Variants in DNPH1 observed in about 807,000 individuals in gnomAD.
The protein encoded by DNPH1 is 2'-deoxynucleoside 5'-phosphate N-hydrolase 1.
In DNPH1, 18 loss-of-function variants were observed where a neutral mutation model predicts 15.7. The ratio of observed to expected loss-of-function variants is 1.15; its 90% confidence interval spans 0.79 to 1.70. DNPH1 has a LOEUF of 1.70. Among genes scored for constraint, DNPH1 ranks in the 40% most tolerant of loss-of-function variants. The probability of loss-of-function intolerance (pLI) is 0.00; values close to 1 mark genes in which losing one functional copy is unlikely to be tolerated. For missense variants in DNPH1, 262 were observed against 255.2 expected, an observed-to-expected ratio of 1.03 and a Z score of -0.18; for synonymous variants, 114 against 107.9, an observed-to-expected ratio of 1.06 and a Z score of -0.35.
rs1241033243 is a variant in DNPH1, at chr6:43,229,379, G to C, written c.78C>G (p.Cys26Trp). 6.7e-7 allele frequency: 1 copy of C among 1,486,174 alleles called. No individual in the cohort carries two copies. Among genetic ancestry groups the C allele is most frequent in the African/African-American group, 1.4e-5 (1 of 68,986 alleles). 92.1% of individuals were successfully genotyped at this position (1,486,174 alleles called of 1,614,324 possible). Residue 26 changes from cysteine (C) to tryptophan (W), a missense_variant, in exon 1 of 4, where the codon TGC (cysteine) becomes TGG (tryptophan). Transcript: ENST00000230431. ...GEPGRPALYF[C>W]GSIRGGREDR... is the part of the protein sequence containing the mutation. ...CCTCGCGTCCGCCGCGAATGCTCCC[G>C]CAGAAGTACAGGGCCGGGCGGCCAG...
chr6:43,228,270 A>G (rs1776772266), intron 1 of DNPH1, among the ~76,000 whole-genome samples: 2 of 151,900 alleles, frequency 1.3e-5, no homozygotes, highest in Non-Finnish European at 2.9e-5. Context: ...CAGACTGGGC[A>G]ACATAGTGAG....
intron 3 of DNPH1, 59 bp from the exon 4 acceptor site, chr6:43,225,940 C>T: frequency 3.1e-6 from 5 of 1,613,808 alleles, no homozygotes; most frequent in Admixed American, 1.7e-5. Context: ...AGCTCCCTTA[C>T]CCCTTGGGAG....
rs747335793 is a variant in DNPH1, at chr6:43,226,331, C to T, written c.261G>A (p.Ala87=). Reference sequence around the variant, plus strand: ...GAAGGAGGGAGCGCCACTCACCGTCCGCCTGCTGCAGCCACTCCAGGTCCT... The same window carrying T: ...GAAGGAGGGAGCGCCACTCACCGTCTGCCTGCTGCAGCCACTCCAGGTCCT... ...HEQDLEWLQQ[A]DVVVAEVTQP... Residue 87 remains alanine, a synonymous_variant, in exon 2 of 4, where the codon GCG becomes GCA. Transcript: ENST00000230431. This position sits in a 1 kb window ranked among gnomAD's most constrained non-coding sequence, Gnocchi z 4.1. 2.3e-5 allele frequency: 37 copies of T among 1,612,292 alleles called. No homozygotes were observed. The highest frequency in any genetic ancestry group is 3.3e-5 in the Admixed American group (2 of 59,954).
At chr6:43,228,981 C>T (rs1776782293) in intron 1 of DNPH1, 1 of 305,724 alleles carries the variant, frequency 3.3e-6, no homozygotes, top group Non-Finnish European at 6.5e-6. Context: ...TACAAACGCT[C>T]TGAAAGCAGC....
In DNPH1 at chr6:43,225,863, C is replaced by T. The variant is rs373827498; in HGVS notation, c.395G>A (p.Arg132Gln). Residue 132 changes from arginine (R) to glutamine (Q), a missense_variant, in exon 4 of 4, where the codon CGG (arginine) becomes CAG (glutamine). By Grantham distance (43) the Arg-to-Gln change is conservative. Transcript: ENST00000230431. ...GAACCGAGAGCCATCTGCTGCTCCC[C>T]GGATCATGGCCGAAAGCACTGGAAA... The part of the protein sequence containing the change: ...QSGRVLSAMI[R>Q]GAADGSRFQV... The T allele has an allele frequency of 3.5e-5, 56 of 1,614,046 alleles. No individual in the cohort carries two copies. The highest frequency in any genetic ancestry group is 5.5e-5 in the South Asian group (5 of 91,080).
rs1376874187 is a variant in DNPH1, at chr6:43,225,738, T to C, written c.520A>G (p.Thr174Ala). ...GQVAASPDPT[T>A] is the part of the protein sequence containing the mutation. ...TTTAAGAAAGTGAGATTAAGTCAAG[T>C]GGTTGGGTCAGGGGAGGCAGCCACC... Residue 174 changes from threonine (T) to alanine (A), a missense_variant, in exon 4 of 4, where the codon ACT becomes GCT. By Grantham distance (58) the Thr-to-Ala change is moderately conservative. Coordinates refer to ENST00000230431, the MANE Select transcript of DNPH1 (RefSeq NM_006443.3). The C allele has an allele frequency of 2.5e-6, 4 of 1,613,958 alleles. No homozygotes were observed. The highest frequency in any genetic ancestry group is 3.4e-6 in the Non-Finnish European group (4 of 1,180,036).
rs559662105 is a variant in DNPH1 at position 43,226,081 on chromosome 6, C to T, written c.328G>A (p.Ala110Thr). ...GVGYELGRAV[A>T]FNKRILCLFR... The stretch of plus-strand genomic sequence containing the variant: ...AGGCACAGGATCCGCTTGTTAAAGG[C>T]CACGGCCCGGCCCAGCTCATAGCCT... Residue 110 changes from alanine (A) to threonine (T), a missense_variant, in exon 3 of 4, where the codon GCC becomes ACC. By Grantham distance (58) the Ala-to-Thr change is moderately conservative. Transcript: ENST00000230431. The surrounding 1 kb of genome is among the most constrained non-coding windows in gnomAD (Gnocchi z 4.1). The T allele has an allele frequency of 3.7e-6, 6 of 1,613,568 alleles. No homozygotes were observed. Among genetic ancestry groups the T allele is most frequent in the African/African-American group, 1.3e-5 (1 of 74,914 alleles).
chr6:43,229,394 C>T lies in DNPH1; in HGVS notation c.63G>A (p.Pro21=). Residue 21 remains proline, a synonymous_variant, in exon 1 of 4, where the codon CCG becomes CCA. Coordinates refer to ENST00000230431, the MANE Select transcript of DNPH1 (RefSeq NM_006443.3). ...GAATGCTCCCGCAGAAGTACAGGGC[C>T]GGGCGGCCAGGCTCCCCGCGCTCCC... is the stretch of plus-strand genomic sequence containing the variant. ...ESWERGEPGR[P]ALYFCGSIRG... 1 of 1,453,118 alleles carries T rather than the reference C, an allele frequency of 6.9e-7. No individual in the cohort carries two copies. The highest frequency in any genetic ancestry group is 9.1e-7 in the Non-Finnish European group (1 of 1,101,296). The allele number at this position is 1,453,118 out of a possible 1,614,324, so 90.0% of individuals were successfully genotyped here.
rs779194012 is a variant in DNPH1, at chr6:43,229,339, C to T, written c.118G>A (p.Glu40Lys). 109 of 1,493,684 alleles carry T rather than the reference C, an allele frequency of 7.3e-5. No homozygotes were observed. The African/African-American group carries it at 1.0e-3, about 14-fold the overall frequency. The allele number at this position is 1,493,684 out of a possible 1,614,324, so 92.5% of individuals were successfully genotyped here. ...CGCCGCAGCCGAGACACGATCCGCT[C>T]GTACAGCGTCCTGTCCTCGCGTCCG... is the stretch of plus-strand genomic sequence containing the variant. The part of the protein sequence containing the change: ...RGGREDRTLY[E>K]RIVSRLRRFG... Residue 40 changes from glutamate to lysine, a missense_variant, in exon 1 of 4, where the codon GAG becomes AAG. Physicochemically the swap from Glu to Lys is moderately conservative, Grantham distance 56. Coordinates refer to ENST00000230431, the MANE Select transcript of DNPH1 (RefSeq NM_006443.3).
At chr6:43,228,942 G>A (rs1776781386) in intron 1 of DNPH1, 2 of 207,542 alleles carry the variant, frequency 9.6e-6, no homozygotes, top group South Asian at 1.2e-4. Flanking sequence ...AAGCAAAGCA[G>A]CCCAATCTAC....
Position 43,227,919 on chromosome 6 carries a change from G to A in DNPH1, c.196+1342C>T, listed in dbSNP as rs117792068. 8.1e-3 allele frequency among the ~76,000 whole-genome samples: 1,228 copies of A among 151,974 alleles called. 56 individuals carry two copies. The highest frequency in any genetic ancestry group is 0.068 in the Admixed American group (1,039 of 15,250). Reference sequence around the variant, plus strand: ...AGCCTGGCCAACATGGCAAAATCCCGTCCCTATAAAAAATACAAAACTTAA... The same window carrying A: ...AGCCTGGCCAACATGGCAAAATCCCATCCCTATAAAAAATACAAAACTTAA... On this transcript the variant is annotated intron_variant, in intron 1 of 3. Transcript: ENST00000230431.
chr6:43,226,048 G>C lies in DNPH1; in HGVS notation c.361C>G (p.Pro121Ala). ...GGGTGCTCACCGCGGCCAGACTGCG[G>C]GCGGAACAGGCACAGGATCCGCTTG... ...FNKRILCLFR[P>A]QSGRVLSAMI... The change falls in exon 3 of 4, where the codon CCG becomes GCG. Residue 121 changes from proline to alanine, a missense_variant. Physicochemically the swap from Pro to Ala is conservative, Grantham distance 27 (BLOSUM62 -1). Transcript: ENST00000230431. The surrounding 1 kb of genome is among the most constrained non-coding windows in gnomAD (Gnocchi z 4.1). 1.2e-6 allele frequency: 2 copies of C among 1,613,830 alleles called. No homozygotes were observed. Among genetic ancestry groups the C allele is most frequent in the South Asian group, 2.2e-5 (2 of 91,086 alleles).
Position 43,229,431 on chromosome 6 carries a change from C to A in DNPH1, c.26G>T (p.Arg9Leu), listed in dbSNP as rs905550108. The change falls in exon 1 of 4, where the codon CGC becomes CTC. Residue 9 changes from arginine to leucine, a missense_variant. Coordinates refer to ENST00000230431, the MANE Select transcript of DNPH1 (RefSeq NM_006443.3). ...CTCCCCGCGCTCCCAGCTCTCGCTG[C>A]GCCCCGGCACCATGGCAGCAGCCAT... MAAAMVPG[R>L]SESWERGEPG... is the part of the protein sequence containing the mutation. 3 of 1,384,830 alleles carry A rather than the reference C, an allele frequency of 2.2e-6. No homozygotes were observed. The highest frequency in any genetic ancestry group is 2.5e-4 in the Middle Eastern group (1 of 4,032). The allele number at this position is 1,384,830 out of a possible 1,614,324, so 85.8% of individuals were successfully genotyped here. A position where few individuals can be genotyped will look rare whatever the true frequency, so the allele number is the denominator to read the frequency against.
At position 43,226,360 on chromosome 6, in the gene DNPH1, C is replaced by T. The variant is rs1802183; in HGVS notation, c.232G>A (p.Glu78Lys). ...TGCTGCAGCCACTCCAGGTCCTGCT[C>T]ATGGATGAGCCTGTCACCCCCAGCA... is the stretch of plus-strand genomic sequence containing the variant. Reference protein sequence around the residue: ...EAAGGDRLIHEQDLEWLQQAD... With the variant: ...EAAGGDRLIHKQDLEWLQQAD... The change falls in exon 2 of 4, where the codon GAG becomes AAG. Residue 78 changes from glutamate to lysine, a missense_variant. By Grantham distance (56) the Glu-to-Lys change is moderately conservative. Coordinates refer to ENST00000230431, the MANE Select transcript of DNPH1 (RefSeq NM_006443.3). The surrounding 1 kb of genome is among the most constrained non-coding windows in gnomAD (Gnocchi z 4.1). 6.2e-7 allele frequency: 1 copy of T among 1,612,962 alleles called. No homozygotes were observed. The highest frequency in any genetic ancestry group is 1.7e-5 in the Admixed American group (1 of 60,012).
In DNPH1 at chr6:43,226,047, G is replaced by A. The variant is rs779289195; in HGVS notation, c.362C>T (p.Pro121Leu). The A allele has an allele frequency of 3.7e-6, 6 of 1,613,696 alleles. No individual in the cohort carries two copies. The highest frequency in any genetic ancestry group is 2.2e-5 in the East Asian group (1 of 44,884). Residue 121 changes from proline (P) to leucine (L), a missense_variant, in exon 3 of 4, where the codon CCG (proline) becomes CTG (leucine). Coordinates refer to ENST00000230431, the MANE Select transcript of DNPH1 (RefSeq NM_006443.3). The surrounding 1 kb of genome is among the most constrained non-coding windows in gnomAD (Gnocchi z 4.1). ...GGGGTGCTCACCGCGGCCAGACTGC[G>A]GGCGGAACAGGCACAGGATCCGCTT... ...FNKRILCLFR[P>L]QSGRVLSAMI...
At position 43,229,384 on chromosome 6, in the gene DNPH1, A is replaced by G; in HGVS notation, c.73T>C (p.Phe25Leu). ...RGEPGRPALY[F>L]CGSIRGGRED... is the part of the protein sequence containing the mutation. ...CGTCCGCCGCGAATGCTCCCGCAGA[A>G]GTACAGGGCCGGGCGGCCAGGCTCC... is the stretch of plus-strand genomic sequence containing the variant. Residue 25 changes from phenylalanine to leucine, a missense_variant, in exon 1 of 4, where the codon TTC (phenylalanine) becomes CTC (leucine). Coordinates refer to ENST00000230431, the MANE Select transcript of DNPH1 (RefSeq NM_006443.3). The G allele has an allele frequency of 6.8e-7, 1 of 1,477,466 alleles. No individual in the cohort carries two copies. Among genetic ancestry groups the G allele is most frequent in the Non-Finnish European group, 9.0e-7 (1 of 1,115,426 alleles). The allele number at this position is 1,477,466 out of a possible 1,614,324, so 91.5% of individuals were successfully genotyped here.
Position 43,226,325 on chromosome 6 carries a change from A to C in DNPH1, c.265+2T>G, listed in dbSNP as rs1776739065. 3 of 1,611,682 alleles carry C rather than the reference A, an allele frequency of 1.9e-6. No homozygotes were observed. The African/African-American group carries it at 4.0e-5, about 22-fold the overall frequency. Reference sequence around the variant, plus strand: ...GTGCTGGAAGGAGGGAGCGCCACTCACCGTCCGCCTGCTGCAGCCACTCCA... The same window carrying C: ...GTGCTGGAAGGAGGGAGCGCCACTCCCCGTCCGCCTGCTGCAGCCACTCCA... On this transcript the variant is annotated splice_donor_variant, in intron 2 of 3. Coordinates refer to ENST00000230431, the MANE Select transcript of DNPH1 (RefSeq NM_006443.3). LOFTEE classifies it high-confidence loss of function. The surrounding 1 kb of genome is among the most constrained non-coding windows in gnomAD (Gnocchi z 4.1).
Position 43,226,063 on chromosome 6 carries a change from G to A in DNPH1, c.346C>T (p.Leu116=). ...GRAVAFNKRI[L]CLFRPQSGRV... Reference sequence around the variant, plus strand: ...CCAGACTGCGGGCGGAACAGGCACAGGATCCGCTTGTTAAAGGCCACGGCC... The same window carrying A: ...CCAGACTGCGGGCGGAACAGGCACAAGATCCGCTTGTTAAAGGCCACGGCC... The change falls in exon 3 of 4, where the codon CTG becomes TTG. Residue 116 remains leucine (L), a synonymous_variant. Coordinates refer to ENST00000230431, the MANE Select transcript of DNPH1 (RefSeq NM_006443.3). The surrounding 1 kb of genome is among the most constrained non-coding windows in gnomAD (Gnocchi z 4.1). The A allele has an allele frequency of 6.2e-7, 1 of 1,613,856 alleles. No homozygotes were observed. The highest frequency in any genetic ancestry group is 1.1e-5 in the South Asian group (1 of 91,086).
chr6:43,229,104 C>A (rs1776784062), intron 1 of DNPH1, 157 bp downstream of exon 1: 1 of 789,642 alleles, frequency 1.3e-6, no homozygotes, highest in Non-Finnish European at 1.9e-6. Flanking sequence ...GTTTCCTTCT[C>A]GGGCTGGGGC....
Sources: allele counts gnomAD v4.1 joint callset (sites outside exome capture counted in the v4.1 genomes callset), GRCh38; gene constraint gnomAD v4.1.1; non-coding constraint Gnocchi (gnomAD v3.1); transcripts MANE v1.5; gene names NCBI Gene and HGNC (gene_info 2026-07-23, HGNC 2026-07-21).